SPTA1: variants seen among roughly 807,000 people sequenced by gnomAD.
SPTA1 encodes the protein spectrin alpha chain, erythrocytic 1.
SPTA1 carries 177 observed loss-of-function variants against 324.7 expected under a neutral mutation model. The observed-to-expected ratio is 0.55, with a 90% CI of 0.48 to 0.62. SPTA1 has a LOEUF of 0.62. SPTA1 is among the 20% of genes least tolerant of loss of function. SPTA1 has a pLI of 0.00. For synonymous variants in SPTA1, 1,195 were observed against 1,041.3 expected, an observed-to-expected ratio of 1.15 and a Z score of -2.84; for missense variants, 3,162 against 2,883.6, an observed-to-expected ratio of 1.10 and a Z score of -2.21.
chr1:158,680,851 G>C, intron 4 of SPTA1, 122 bp from the exon 5 acceptor site: 1 of 1,322,972 alleles, frequency 7.6e-7, no homozygotes. Flanking sequence ...GGGAGACTGG[G>C]AGAAGCTCTC....
intron 39 of SPTA1, among the ~76,000 whole-genome samples, chr1:158,628,954 A>T (rs938070375): frequency 2.6e-5 from 4 of 152,048 alleles, no homozygotes; most frequent in Non-Finnish European, 5.9e-5. Context: ...AACAAAGAAA[A>T]TCCCAAGACC....
chr1:158,642,555 T>A lies in SPTA1; in HGVS notation c.4606-13A>T. ...TCAGGTATTTCCTCTGAAGGGAAAA[T>A]GAAACAGAAATTATATTATCTTTTT... On this transcript the variant is annotated splice_polypyrimidine_tract_variant and intron_variant, in intron 32 of 51. Coordinates refer to ENST00000643759, the MANE Select transcript of SPTA1 (RefSeq NM_003126.4). 1 of 1,613,354 alleles carries A rather than the reference T, an allele frequency of 6.2e-7. No individual in the cohort carries two copies. Among genetic ancestry groups the A allele is most frequent in the Non-Finnish European group, 8.5e-7 (1 of 1,179,554 alleles).
chr1:158,656,737 T>A, intron 19 of SPTA1, 81 bp from the exon 20 acceptor site: 1 of 1,333,154 alleles, frequency 7.5e-7, no homozygotes, highest in Non-Finnish European at 1.1e-6. Context: ...TGGGTTATGC[T>A]ATTTGTCTTA....
chr1:158,650,851 G>A (rs935835430), intron 24 of SPTA1, among the ~76,000 whole-genome samples: 2 of 152,180 alleles, frequency 1.3e-5, no homozygotes, highest in African/African-American at 2.4e-5. Context: ...TGGTACAGAA[G>A]ATTAAGAGGA....
Position 158,642,873 on chromosome 1 carries a change from T to C in SPTA1, c.4546A>G (p.Ile1516Val), listed in dbSNP as rs1651713709. Residue 1516 changes from isoleucine (I) to valine (V), a missense_variant, in exon 32 of 52, where the codon ATC becomes GTC. Transcript: ENST00000643759. The stretch of plus-strand genomic sequence containing the variant: ...CAGGCTGTGGGCAGCATCTCACTGA[T>C]CCATTCTTCCAGCTCCTCAAGGTCT... ...YRDLEELEEW[I>V]SEMLPTACDE... The C allele has an allele frequency of 2.5e-6, 4 of 1,613,858 alleles. No individual in the cohort carries two copies. In the South Asian group the frequency reaches 3.3e-5, roughly 13 times the overall value.
At chr1:158,677,240 G>A (rs1459954391) in intron 7 of SPTA1, among the ~76,000 whole-genome samples, 1 of 152,144 alleles carries the variant, frequency 6.6e-6, no homozygotes, top group African/African-American at 2.4e-5. Flanking sequence ...AGCATTAAGT[G>A]TCTTGAAGTT....
chr1:158,674,669 A>G lies in SPTA1; in HGVS notation c.1119T>C (p.His373=). The part of the protein sequence containing the change: ...YEKLQATYWY[H]RFSSDFDELS... ...GTTCATCAAAGTCAGATGAAAATCGATGGTACCTGTGGGAAAAGTGAGGTA... is the reference window on the plus strand; with the variant it reads ...GTTCATCAAAGTCAGATGAAAATCGGTGGTACCTGTGGGAAAAGTGAGGTA... The change falls in exon 9 of 52, where the codon CAT becomes CAC. Residue 373 remains histidine, a synonymous_variant. Transcript: ENST00000643759. 1 of 1,613,796 alleles carries G rather than the reference A, an allele frequency of 6.2e-7. No individual in the cohort carries two copies. Among genetic ancestry groups the G allele is most frequent in the Non-Finnish European group, 8.5e-7 (1 of 1,179,958 alleles).
chr1:158,684,541 C>T (rs1198105512), intron 2 of SPTA1, among the ~76,000 whole-genome samples: 1 of 152,022 alleles, frequency 6.6e-6, no homozygotes, highest in Non-Finnish European at 1.5e-5. Flanking sequence ...GCAAATAACA[C>T]CCCGATGTTT....
At position 158,640,841 on chromosome 1, in the gene SPTA1, A is replaced by G. The variant is rs572995496; in HGVS notation, c.4738-834T>C. 7.9e-3 allele frequency among the ~76,000 whole-genome samples: 1,196 copies of G among 152,274 alleles called. 20 individuals carry two copies. The highest frequency in any genetic ancestry group is 0.027 in the African/African-American group (1,114 of 41,544). ...TTCATATGGAACCAAAAAAGAGCCT[A>G]CATTGCCAAGTCAATCCTAAGGCAA... is the stretch of plus-strand genomic sequence containing the variant. On this transcript the variant is annotated intron_variant, in intron 33 of 51. Coordinates refer to ENST00000643759, the MANE Select transcript of SPTA1 (RefSeq NM_003126.4).
intron 2 of SPTA1, 80 bp from the exon 3 acceptor site, chr1:158,683,576 A>G (rs1467918084): frequency 6.3e-7 from 1 of 1,585,708 alleles, no homozygotes; most frequent in Non-Finnish European, 8.6e-7. Context: ...AAGCCACCAA[A>G]CACAGGTTCT....
chr1:158,678,305 A>T (rs1036836734), intron 6 of SPTA1, 96 bp downstream of exon 6: 23 of 1,538,996 alleles, frequency 1.5e-5, no homozygotes, highest in East Asian at 2.3e-5. Context: ...AGTGTTGACC[A>T]TTAATTGCTA....
At chr1:158,676,091 T>C in intron 8 of SPTA1, 50 bp downstream of exon 8, 1 of 1,611,370 alleles carries the variant, frequency 6.2e-7, no homozygotes. Flanking sequence ...CGCTATTATA[T>C]CTGGGCCCTG....
At position 158,649,920 on chromosome 1, in the gene SPTA1, G is replaced by A; in HGVS notation, c.3505C>T (p.Gln1169Ter). The A allele has an allele frequency of 6.2e-7, 1 of 1,613,786 alleles. No homozygotes were observed. The highest frequency in any genetic ancestry group is 8.5e-7 in the Non-Finnish European group (1 of 1,179,838). ...QELNSRWGSL[Q>*]RLADEQRQLL... is the part of the protein sequence containing the mutation. ...TGCCGCTGTTCATCTGCAAGCCTCT[G>A]CAAAGAACCCCAGCGGGAATTCAAT... is the stretch of plus-strand genomic sequence containing the variant. Residue 1169 changes from glutamine (Q) to a stop codon, truncating the protein, a stop_gained, in exon 25 of 52, where the codon CAG becomes TAG. Transcript: ENST00000643759. LOFTEE classifies it high-confidence loss of function.
chr1:158,684,019 G>A (rs12407336), intron 2 of SPTA1, among the ~76,000 whole-genome samples: 1,820 of 151,638 alleles, frequency 0.012, 81 homozygotes, highest in East Asian at 0.11. Flanking sequence ...ATAGAAAGGG[G>A]TAGGCACTTT....
At chr1:158,686,384 A>G (rs1347311409) in intron 1 of SPTA1, 110 bp downstream of exon 1, 2 of 851,092 alleles carry the variant, frequency 2.3e-6, no homozygotes, top group Non-Finnish European at 3.9e-6. Context: ...ATTTGTTAAA[A>G]GCCAAATAAT....
intron 47 of SPTA1, among the ~76,000 whole-genome samples, 159 bp downstream of exon 47, chr1:158,617,378 G>T (rs1009246241): frequency 1.3e-5 from 2 of 151,604 alleles, no homozygotes; most frequent in African/African-American, 4.9e-5. Flanking sequence ...AGAGATTTAA[G>T]TAGACTGAGG....
chr1:158,645,204 T>C lies in SPTA1; in HGVS notation c.4178A>G (p.Gln1393Arg). ...AWEKRKKILD[Q>R]CLELQMFQGN... The stretch of plus-strand genomic sequence containing the variant: ...TTGCTGTACCTGCAACTCCAGGCAC[T>C]GGTCTAGGATCTTCTTGCGTTTTTC... The change falls in exon 29 of 52, where the codon CAG (glutamine) becomes CGG (arginine). Residue 1393 changes from glutamine (Q) to arginine (R), a missense_variant. Coordinates refer to ENST00000643759, the MANE Select transcript of SPTA1 (RefSeq NM_003126.4). 3 of 1,613,858 alleles carry C rather than the reference T, an allele frequency of 1.9e-6. No individual in the cohort carries two copies. The highest frequency in any genetic ancestry group is 2.5e-6 in the Non-Finnish European group (3 of 1,179,798).
intron 30 of SPTA1, among the ~76,000 whole-genome samples, chr1:158,643,740 T>A (rs886754569): frequency 2.0e-5 from 3 of 152,158 alleles, no homozygotes; most frequent in Non-Finnish European, 2.9e-5. Flanking sequence ...GAGTTTAGAA[T>A]GCTGGATTTA....
rs755261116 is a variant in SPTA1, at chr1:158,678,523, A to G, written c.690T>C (p.Pro230=). The G allele has an allele frequency of 5.0e-6, 8 of 1,613,526 alleles. No individual in the cohort carries two copies. The Admixed American group carries it at 1.2e-4, about 24-fold the overall frequency. The change falls in exon 6 of 52, where the codon CCT becomes CCC. Residue 230 remains proline, a synonymous_variant. Transcript: ENST00000643759. ...YANECAEENH[P]DLPLIQSKQN... is the part of the protein sequence containing the mutation. Reference sequence around the variant, plus strand: ...GCTTAGACTGAATTAAGGGTAGGTCAGGATGGTTTTCCTGTTGAAGGAAAA... The same window carrying G: ...GCTTAGACTGAATTAAGGGTAGGTCGGGATGGTTTTCCTGTTGAAGGAAAA...
Sources: gnomAD v4.1 joint callset for allele counts (sites outside exome capture counted in the v4.1 genomes callset) on GRCh38, gnomAD v4.1.1 for gene constraint, MANE v1.5 for transcripts, NCBI Gene and HGNC (gene_info 2026-07-23, HGNC 2026-07-21) for gene names.